The following RELN variants were observed in gnomAD, a reference collection of about 807,000 sequenced individuals.
The protein encoded by RELN is reelin.
In RELN, 108 loss-of-function variants were observed where a neutral mutation model predicts 427.6. The observed-to-expected ratio is 0.25, with a 90% CI of 0.22 to 0.30. RELN has a LOEUF of 0.30. RELN is among the 10% of genes least tolerant of loss of function. The pLI is 1.00. For missense variants in RELN, 3,715 were observed against 4,302.8 expected (o/e 0.86, Z 3.82); for synonymous variants, 1,524 against 1,513.4 (o/e 1.01, Z -0.16).
chr7:103,739,159 G>C (rs1447683831), intron 6 of RELN, among the ~76,000 whole-genome samples: 1 of 152,034 alleles, frequency 6.6e-6, no homozygotes, highest in African/African-American at 2.4e-5. Flanking sequence ...TTGGCTGTTA[G>C]GTATAATTAT....
chr7:103,661,620 T>C (rs1170054773), intron 11 of RELN, 93 bp from the exon 12 acceptor site: 1 of 1,113,200 alleles, frequency 9.0e-7, no homozygotes, highest in African/African-American at 1.6e-5. Context: ...GGACACTTAC[T>C]TACTTAGTAA....
intron 2 of RELN, among the ~76,000 whole-genome samples, chr7:103,839,399 G>C (rs892151415): frequency 6.8e-6 from 1 of 146,310 alleles, no homozygotes; most frequent in Non-Finnish European, 1.5e-5. Context: ...ACATCATCTA[G>C]AGTTGCAACT....
At chr7:103,800,163 AG>A (rs1792410793) in intron 3 of RELN, among the ~76,000 whole-genome samples, 1 of 152,188 alleles carries the variant, frequency 6.6e-6, no homozygotes, top group African/African-American at 2.4e-5. Context: ...AAATAAATAA[AG>A]CGTATTCAGT....
intron 3 of RELN, among the ~76,000 whole-genome samples, chr7:103,788,972 C>T (rs2116262180): frequency 6.6e-6 from 1 of 152,266 alleles, no homozygotes; most frequent in African/African-American, 2.4e-5. Flanking sequence ...CCGCATGGTA[C>T]TGGTACCAAA....
At chr7:103,836,204 C>A (rs1793403894) in intron 2 of RELN, among the ~76,000 whole-genome samples, 1 of 152,120 alleles carries the variant, frequency 6.6e-6, no homozygotes, top group East Asian at 1.9e-4. Context: ...AAGTGATCCA[C>A]CCACCTTGGC....
At chr7:103,950,203 T>C (rs1317064727) in intron 1 of RELN, among the ~76,000 whole-genome samples, 2 of 152,190 alleles carry the variant, frequency 1.3e-5, no homozygotes, top group African/African-American at 2.4e-5. Flanking sequence ...TCCGCCCTCA[T>C]GACCTAATCA....
At chr7:103,820,934 G>T (rs149094313) in intron 3 of RELN, among the ~76,000 whole-genome samples, 170 of 151,972 alleles carry the variant, frequency 1.1e-3, no homozygotes, top group Middle Eastern at 3.4e-3. Flanking sequence ...CATGTTTATC[G>T]AACCTTTACA....
At chr7:103,931,659 G>C (rs1377968504) in intron 1 of RELN, among the ~76,000 whole-genome samples, 1 of 152,208 alleles carries the variant, frequency 6.6e-6, no homozygotes, top group Non-Finnish European at 1.5e-5. Flanking sequence ...TTGCTTTCCT[G>C]CCAATTTTGT....
intron 3 of RELN, among the ~76,000 whole-genome samples, chr7:103,807,771 G>A (rs1792636481): frequency 6.6e-6 from 1 of 152,124 alleles, no homozygotes; most frequent in Admixed American, 6.6e-5. Flanking sequence ...CTGCACCCAT[G>A]TTGCTGCAAA....
At chr7:103,649,841 T>G (rs937146842) in intron 16 of RELN, among the ~76,000 whole-genome samples, 4 of 152,028 alleles carry the variant, frequency 2.6e-5, no homozygotes, top group Admixed American at 2.0e-4. Context: ...TGATGTTTCC[T>G]TCTGTGTGTT....
chr7:103,688,014 T>A (rs940020511), intron 10 of RELN, among the ~76,000 whole-genome samples: 3 of 152,120 alleles, frequency 2.0e-5, no homozygotes, highest in Non-Finnish European at 4.4e-5. Context: ...AGTCCTCTTA[T>A]TAGCTTAACA....
At chr7:103,501,009 G>C in intron 52 of RELN, 87 bp from the exon 53 acceptor site, 1 of 1,204,898 alleles carries the variant, frequency 8.3e-7, no homozygotes, top group Non-Finnish European at 1.2e-6. Context: ...CAGTACTCAA[G>C]AGAAAAAACA....
chr7:103,676,723 G>C (rs140832395), intron 11 of RELN, among the ~76,000 whole-genome samples: 1,600 of 152,032 alleles, frequency 0.011, 34 homozygotes, highest in African/African-American at 0.036. Context: ...AAAATGATGA[G>C]TTCATGTCCT....
intron 52 of RELN, among the ~76,000 whole-genome samples, 157 bp downstream of exon 52, chr7:103,502,859 G>A (rs1829081331): frequency 6.6e-6 from 1 of 152,188 alleles, no homozygotes; most frequent in South Asian, 2.1e-4. Flanking sequence ...CATCATGGAA[G>A]TTATGATGAA....
chr7:103,712,429 T>C (rs1449624725), intron 8 of RELN, among the ~76,000 whole-genome samples: 1 of 152,098 alleles, frequency 6.6e-6, no homozygotes, highest in Non-Finnish European at 1.5e-5. Flanking sequence ...AAGAGTTACT[T>C]CCTCCCTTGG....
chr7:103,976,268 A>C (rs1010145128), intron 1 of RELN, among the ~76,000 whole-genome samples: 12 of 152,212 alleles, frequency 7.9e-5, no homozygotes, highest in Non-Finnish European at 1.5e-5. Context: ...AAAACAGAGA[A>C]AGACCAGGGC....
chr7:103,575,099 G>A (rs550986788), intron 29 of RELN, among the ~76,000 whole-genome samples: 1 of 152,316 alleles, frequency 6.6e-6, no homozygotes, highest in South Asian at 2.1e-4. Flanking sequence ...GAGAATGACT[G>A]CCAGGGTTTG....
intron 45 of RELN, among the ~76,000 whole-genome samples, chr7:103,538,503 T>C (rs565407482): frequency 3.9e-5 from 6 of 152,058 alleles, no homozygotes; most frequent in South Asian, 4.2e-4. Context: ...GGGGTGCAAA[T>C]TGGTCACAAT....
At chr7:103,726,804 A>G (rs1174048519) in intron 7 of RELN, among the ~76,000 whole-genome samples, 2 of 152,174 alleles carry the variant, frequency 1.3e-5, no homozygotes. Flanking sequence ...CTGTCATGGT[A>G]TATTATTTAA....
Sources: allele counts gnomAD v4.1 joint callset (sites outside exome capture counted in the v4.1 genomes callset), GRCh38; gene constraint gnomAD v4.1.1; transcripts MANE v1.5; gene names NCBI Gene and HGNC (gene_info 2026-07-23, HGNC 2026-07-21).